Variants in NPY2R observed in about 807,000 individuals in gnomAD.
NPY2R encodes the protein neuropeptide Y receptor type 2.
NPY2R carries 17 observed loss-of-function variants against 22.3 expected under a neutral mutation model. The observed-to-expected ratio is 0.76, with a 90% CI of 0.52 to 1.14. NPY2R has a LOEUF of 1.14. Among genes scored for constraint, NPY2R ranks in the 50% most tolerant of loss-of-function variants. NPY2R has a pLI of 0.00. For missense variants in NPY2R, 424 were observed against 467.9 expected (o/e 0.91, Z 0.87); for synonymous variants, 209 against 183.4 (o/e 1.14, Z -1.13).
In NPY2R at chr4:155,214,913, A is replaced by T. The variant is rs553716729; in HGVS notation, c.974A>T (p.Tyr325Phe). ...TCCACTTTTGCCAATCCCCTTCTCT[A>T]TGGCTGGATGAACAGCAACTACAGA... ...MCSTFANPLLYGWMNSNYRKA... is the reference protein window; with the variant it reads ...MCSTFANPLLFGWMNSNYRKA... Residue 325 changes from tyrosine (Y) to phenylalanine (F), a missense_variant, in exon 2 of 2, where the codon TAT becomes TTT. Transcript: ENST00000329476. The T allele has an allele frequency of 6.2e-7, 1 of 1,613,682 alleles. No homozygotes were observed. The highest frequency in any genetic ancestry group is 8.5e-7 in the Non-Finnish European group (1 of 1,179,796).
the NPY2R span, among the ~76,000 whole-genome samples, chr4:155,186,631 T>G: frequency 6.6e-6 from 1 of 152,140 alleles, no homozygotes; most frequent in Non-Finnish European, 1.5e-5. Context: ...CTTAATAATT[T>G]TCATGTATAC....
the NPY2R span, among the ~76,000 whole-genome samples, chr4:155,183,355 A>G: frequency 2.6e-5 from 4 of 152,180 alleles, no homozygotes; most frequent in African/African-American, 9.6e-5. Context: ...GAGGAAATAT[A>G]GGAGTTTTAT....
At chr4:155,202,342 T>G in the NPY2R span, among the ~76,000 whole-genome samples, 1 of 152,132 alleles carries the variant, frequency 6.6e-6, no homozygotes, top group African/African-American at 2.4e-5. Context: ...AAAGCTGCTG[T>G]CAGAGTCCAC....
chr4:155,182,368 G>T, the NPY2R span, among the ~76,000 whole-genome samples: 38 of 152,096 alleles, frequency 2.5e-4, no homozygotes, highest in African/African-American at 8.9e-4. Context: ...TGTCACTTGT[G>T]GGTGTCTTTG....
the NPY2R span, among the ~76,000 whole-genome samples, chr4:155,182,750 C>T: frequency 6.6e-6 from 1 of 152,034 alleles, no homozygotes; most frequent in Non-Finnish European, 1.5e-5. Context: ...ACAGAGAGAA[C>T]ATTCAACCCA....
the NPY2R span, among the ~76,000 whole-genome samples, chr4:155,178,689 G>T: frequency 6.6e-6 from 1 of 152,158 alleles, no homozygotes; most frequent in Non-Finnish European, 1.5e-5. Context: ...TTAAGTGTGC[G>T]TGCATTTAAA....
At chr4:155,176,191 G>A in the NPY2R span, among the ~76,000 whole-genome samples, 1 of 152,200 alleles carries the variant, frequency 6.6e-6, no homozygotes, top group African/African-American at 2.4e-5. Flanking sequence ...TTAGTTGGTT[G>A]GTGAGATGGG....
At chr4:155,187,000 G>A in the NPY2R span, among the ~76,000 whole-genome samples, 50 of 152,080 alleles carry the variant, frequency 3.3e-4, no homozygotes, top group Admixed American at 3.3e-3. Flanking sequence ...TGAGATTTAT[G>A]TCAGTCTTAT....
the NPY2R span, among the ~76,000 whole-genome samples, chr4:155,180,246 A>C: frequency 6.6e-6 from 1 of 152,130 alleles, no homozygotes; most frequent in Non-Finnish European, 1.5e-5. Context: ...ACATGGAAGC[A>C]GAAATGCTGC....
intron 1 of NPY2R, among the ~76,000 whole-genome samples, chr4:155,213,543 T>C (rs1036509431): frequency 2.6e-5 from 4 of 152,200 alleles, no homozygotes; most frequent in African/African-American, 9.6e-5. Flanking sequence ...TCATAGTGGT[T>C]ATACAATTCA....
At chr4:155,187,867 A>G in the NPY2R span, among the ~76,000 whole-genome samples, 11 of 152,162 alleles carry the variant, frequency 7.2e-5, no homozygotes, top group African/African-American at 2.7e-4. Flanking sequence ...AATAAGCCAC[A>G]ACCTTTATCT....
At chr4:155,189,587 T>A in the NPY2R span, among the ~76,000 whole-genome samples, 5 of 152,000 alleles carry the variant, frequency 3.3e-5, no homozygotes, top group African/African-American at 1.2e-4. Context: ...TCTTTTAAAG[T>A]AGCATTTTTA....
intron 1 of NPY2R, among the ~76,000 whole-genome samples, chr4:155,212,088 G>C (rs532667189): frequency 1.3e-5 from 2 of 152,240 alleles, no homozygotes; most frequent in South Asian, 4.1e-4. Context: ...AGGAGCTGGG[G>C]GGCACATAGG....
the NPY2R span, among the ~76,000 whole-genome samples, chr4:155,198,053 A>C: frequency 1.3e-5 from 2 of 151,986 alleles, no homozygotes; most frequent in African/African-American, 2.4e-5. Flanking sequence ...TATGTCATCA[A>C]AAGGTATGTG....
At position 155,216,930 on chromosome 4, in the gene NPY2R, C is replaced by T. The variant is rs764849980; in HGVS notation, c.*1845C>T. ...TACACTGTAAGAAATGTATATGCTA[C>T]TGTGTTACATGTTGTATTAGTAAAT... On this transcript the variant is annotated 3_prime_UTR_variant, in exon 2 of 2. Transcript: ENST00000329476. The T allele has an allele frequency of 1.2e-5, 2 of 167,034 alleles. No individual in the cohort carries two copies. Among genetic ancestry groups the T allele is most frequent in the African/African-American group, 2.4e-5 (1 of 41,448 alleles). The allele number at this position is 167,034 out of a possible 1,614,324, so 10.3% of individuals were successfully genotyped here. A position where few individuals can be genotyped will look rare whatever the true frequency, so the allele number is the denominator to read the frequency against.
At chr4:155,206,008 C>G (rs1231690995), upstream of NPY2R, among the ~76,000 whole-genome samples, 1 of 152,084 alleles carries the variant, frequency 6.6e-6, no homozygotes, top group African/African-American at 2.4e-5. Context: ...TTTTGCAGGC[C>G]AGCTGAGTGT....
At chr4:155,208,519 C>G (rs912396069), upstream of NPY2R, 1 of 152,412 alleles carries the variant, frequency 6.6e-6, no homozygotes. This position sits in a 1 kb window ranked among gnomAD's most constrained non-coding sequence, Gnocchi z 5.6. Flanking sequence ...GAGTATCAAA[C>G]TTGGGGGTGG....
the NPY2R span, among the ~76,000 whole-genome samples, chr4:155,193,127 C>A: frequency 6.6e-6 from 1 of 151,776 alleles, no homozygotes; most frequent in Non-Finnish European, 1.5e-5. Flanking sequence ...ATAATAATAG[C>A]CAATATTTTT....
At chr4:155,178,990 T>C in the NPY2R span, among the ~76,000 whole-genome samples, 1 of 152,206 alleles carries the variant, frequency 6.6e-6, no homozygotes, top group African/African-American at 2.4e-5. Context: ...TTTCTATTGC[T>C]TTATCTTTAA....
Sources: gnomAD v4.1 joint callset for allele counts (sites outside exome capture counted in the v4.1 genomes callset) on GRCh38, gnomAD v4.1.1 for gene constraint, Gnocchi (gnomAD v3.1) non-coding constraint, MANE v1.5 for transcripts, NCBI Gene and HGNC (gene_info 2026-07-23, HGNC 2026-07-21) for gene names.